TTC17: variants seen among roughly 807,000 people sequenced by gnomAD.
The protein encoded by TTC17 is tetratricopeptide repeat protein 17.
TTC17 carries 58 observed loss-of-function variants against 143.8 expected under a neutral mutation model. That is an observed-to-expected ratio of 0.40 (90% confidence interval 0.33 to 0.50). The LOEUF (loss-of-function observed/expected upper bound fraction) is 0.50. Ranked by LOEUF, TTC17 falls within the 20% of genes least tolerant of loss-of-function variation. The pLI is 0.49. For synonymous variants in TTC17, 501 were observed against 497.8 expected (o/e 1.01, Z -0.09); for missense variants, 1,273 against 1,392.5 (o/e 0.91, Z 1.37).
intron 21 of TTC17, among the ~76,000 whole-genome samples, chr11:43,453,478 A>G (rs762904086): frequency 2.6e-5 from 4 of 152,198 alleles, no homozygotes; most frequent in African/African-American, 7.2e-5. Context: ...CTTAAAGAAT[A>G]AAAAAAGAGG....
intron 1 of TTC17, among the ~76,000 whole-genome samples, chr11:43,377,156 A>G (rs932658558): frequency 1.3e-5 from 2 of 151,980 alleles, no homozygotes; most frequent in African/African-American, 4.8e-5. Context: ...AGCTGGGCGT[A>G]GTGGCGGACG....
chr11:43,489,277 TAACA>T (rs1948431271), intron 21 of TTC17, among the ~76,000 whole-genome samples: 1 of 152,104 alleles, frequency 6.6e-6, no homozygotes, highest in Admixed American at 6.6e-5. Flanking sequence ...TTCAAAAGGC[TAACA>T]AATATGGAAG....
intron 15 of TTC17, among the ~76,000 whole-genome samples, chr11:43,408,658 T>C (rs1858255699): frequency 6.6e-6 from 1 of 152,222 alleles, no homozygotes; most frequent in South Asian, 2.1e-4. Flanking sequence ...AAAATCATAC[T>C]AAAATTTTAG....
At chr11:43,448,216 G>A in intron 19 of TTC17, 94 bp downstream of exon 19, 1 of 1,521,396 alleles carries the variant, frequency 6.6e-7, no homozygotes. Context: ...TAGTAGAAGA[G>A]TTATCCTTTC....
rs10658685 is a variant in TTC17 at position 43,430,709 on chromosome 11, GCACACACACACA to G, written c.2252-12587_2252-12576del. 3.9e-3 allele frequency among the ~76,000 whole-genome samples: 541 copies of G among 138,538 alleles called. 3 individuals are homozygous for G. Among genetic ancestry groups the G allele is most frequent in the Middle Eastern group, 0.014 (4 of 276 alleles). The allele number at this position is 138,538 out of a possible 152,430, so 90.9% of individuals were successfully genotyped here. A position where few individuals can be genotyped will look rare whatever the true frequency, so the allele number is the denominator to read the frequency against. On this transcript the variant is annotated intron_variant, in intron 16 of 23. Coordinates refer to ENST00000039989, the MANE Select transcript of TTC17 (RefSeq NM_018259.6). Reference sequence around the variant, plus strand: ...TGCCCCCAGCATCCCCTACATACACGCACACACACACACACACACACACACACACACACACAC... The same window carrying G: ...TGCCCCCAGCATCCCCTACATACACGCACACACACACACACACACACACAC...
intron 18 of TTC17, chr11:43,444,577 T>C (rs1484145508): frequency 6.3e-6 from 1 of 159,702 alleles, no homozygotes; most frequent in Non-Finnish European, 1.4e-5. Context: ...CAAAGTTTTT[T>C]TGTAGATTAT....
At chr11:43,454,041 G>T (rs74879716) in intron 21 of TTC17, among the ~76,000 whole-genome samples, 350 of 152,258 alleles carry the variant, frequency 2.3e-3, no homozygotes, top group African/African-American at 8.3e-3. Context: ...TTGTCATAAA[G>T]TTGAAAAATC....
intron 16 of TTC17, among the ~76,000 whole-genome samples, chr11:43,421,828 C>G (rs1292959733): frequency 6.6e-6 from 1 of 150,632 alleles, no homozygotes; most frequent in African/African-American, 2.4e-5. Context: ...CGAATTATGC[C>G]AAAACCCCAT....
intron 15 of TTC17, among the ~76,000 whole-genome samples, chr11:43,408,577 C>T (rs1434437728): frequency 6.6e-6 from 1 of 152,092 alleles, no homozygotes; most frequent in Non-Finnish European, 1.5e-5. Flanking sequence ...TGTTTTCAGC[C>T]AAGGGACTTA....
intron 21 of TTC17, among the ~76,000 whole-genome samples, chr11:43,458,847 T>G (rs919401218): frequency 2.0e-4 from 30 of 152,342 alleles, no homozygotes; most frequent in African/African-American, 7.0e-4. Flanking sequence ...CAACTTCTAT[T>G]ACAGTGTATT....
chr11:43,443,529 C>A lies in TTC17; in HGVS notation c.2456C>A (p.Ala819Asp), dbSNP rs1391942998. The stretch of plus-strand genomic sequence containing the variant: ...AAGAAAGGTCCCCAGGATGGAGTGG[C>A]CAGAAGCTCTTGCTATGGAGACTGC... ...VLKKGPQDGV[A>D]RSSCYGDCRS... The change falls in exon 17 of 24, where the codon GCC (alanine) becomes GAC (aspartate). Residue 819 changes from alanine (A) to aspartate (D), a missense_variant. By Grantham distance (126) the Ala-to-Asp change is moderately radical. Around this residue, in one of 3 missense-constraint regions of TTC17, gnomAD observed 878 missense variants for 899.8 expected, o/e 0.98. Coordinates refer to ENST00000039989, the MANE Select transcript of TTC17 (RefSeq NM_018259.6). 3.7e-6 allele frequency: 6 copies of A among 1,613,994 alleles called. No individual in the cohort carries two copies. The South Asian group carries it at 6.6e-5, about 18-fold the overall frequency.
chr11:43,459,675 A>T (rs1432632549), intron 21 of TTC17, among the ~76,000 whole-genome samples: 2 of 152,218 alleles, frequency 1.3e-5, no homozygotes, highest in African/African-American at 4.8e-5. Flanking sequence ...TCTGAAGTAC[A>T]GGTGGTCGTC....
intron 16 of TTC17, among the ~76,000 whole-genome samples, chr11:43,441,619 A>G (rs1050859547): frequency 2.6e-5 from 4 of 152,132 alleles, no homozygotes; most frequent in African/African-American, 9.7e-5. Flanking sequence ...TAATCTACTT[A>G]TTCTTCACCT....
chr11:43,405,094 C>CTTTTT (rs528720022), intron 11 of TTC17, among the ~76,000 whole-genome samples: 4 of 132,492 alleles, frequency 3.0e-5, no homozygotes, highest in Non-Finnish European at 5.0e-5. Context: ...TCTTCTTTTT[C>CTTTTT]TTTTTTTTTT....
At chr11:43,406,343 T>C (rs746126611) in intron 13 of TTC17, among the ~76,000 whole-genome samples, 32 of 152,170 alleles carry the variant, frequency 2.1e-4, no homozygotes, top group African/African-American at 6.5e-4. Flanking sequence ...TCTGGCCTTA[T>C]CAACCCTGCT....
chr11:43,418,516 A>G (rs2134636565), intron 16 of TTC17, among the ~76,000 whole-genome samples: 1 of 152,280 alleles, frequency 6.6e-6, no homozygotes, highest in East Asian at 1.9e-4. Context: ...CTTAAGCAGA[A>G]CTGAATTGGT....
At chr11:43,493,707 G>T in intron 23 of TTC17, 66 bp from the exon 24 acceptor site, 1 of 1,609,978 alleles carries the variant, frequency 6.2e-7, no homozygotes, top group Non-Finnish European at 8.5e-7. Context: ...TGAGAAAAAA[G>T]AGGTCACAGT....
intron 1 of TTC17, among the ~76,000 whole-genome samples, chr11:43,377,907 G>A (rs1292005127): frequency 6.6e-6 from 1 of 151,548 alleles, no homozygotes; most frequent in Non-Finnish European, 1.5e-5. Flanking sequence ...GTTTTGTTTT[G>A]TTTTTTGTTT....
chr11:43,442,758 T>C (rs907876893), intron 16 of TTC17, among the ~76,000 whole-genome samples: 2 of 152,184 alleles, frequency 1.3e-5, no homozygotes, highest in African/African-American at 4.8e-5. Flanking sequence ...ACCTAAATAA[T>C]ATCTTGGTAA....
Sources: gnomAD v4.1 joint callset for allele counts (sites outside exome capture counted in the v4.1 genomes callset) on GRCh38, gnomAD v4.1.1 for gene constraint, gnomAD v4.1.1 regional missense constraint, MANE v1.5 for transcripts, NCBI Gene and HGNC (gene_info 2026-07-23, HGNC 2026-07-21) for gene names.